Variants in COL23A1 observed in about 807,000 individuals in gnomAD.
The protein encoded by COL23A1 is collagen type XXIII alpha 1 chain.
In COL23A1, 97 loss-of-function variants were observed where a neutral mutation model predicts 99.3. That is an observed-to-expected ratio of 0.98 (90% CI 0.83 to 1.16). The LOEUF is 1.16. Ranked by LOEUF, COL23A1 falls within the 50% of genes most tolerant of loss-of-function variation. The pLI is 0.00. For synonymous variants in COL23A1, 320 were observed against 308.2 expected, an observed-to-expected ratio of 1.04 and a Z score of -0.40; for missense variants, 762 against 757.4, an observed-to-expected ratio of 1.01 and a Z score of -0.07.
chr5:178,290,300 A>G, intron 4 of COL23A1, 62 bp downstream of exon 4: 1 of 1,612,140 alleles, frequency 6.2e-7, no homozygotes, highest in Non-Finnish European at 8.5e-7. Context: ...ATGGAATTGC[A>G]ACAGAGAGAG....
rs952338229 is a variant in COL23A1, at chr5:178,262,109, T to C, written c.675+108A>G. 60 of 1,228,650 alleles carry C rather than the reference T, an allele frequency of 4.9e-5. No individual in the cohort carries two copies. In the African/African-American group the frequency reaches 7.8e-4, roughly 16 times the overall value. The allele number at this position is 1,228,650 out of a possible 1,614,324, so 76.1% of individuals were successfully genotyped here. A position where few individuals can be genotyped will look rare whatever the true frequency, so the allele number is the denominator to read the frequency against. On this transcript the variant is annotated intron_variant, in intron 10 of 28. Coordinates refer to ENST00000390654, the MANE Select transcript of COL23A1 (RefSeq NM_173465.4). ...ACATGCAGAGGCGCGCGCACACACA[T>C]AAACATGTGCGCGTGACCCTGCTGT... is the stretch of plus-strand genomic sequence containing the variant.
chr5:178,261,964 G>T (rs147700680), intron 10 of COL23A1, among the ~76,000 whole-genome samples: 182 of 152,340 alleles, frequency 1.2e-3, no homozygotes, highest in Middle Eastern at 6.8e-3. Flanking sequence ...CAAGTGGACC[G>T]CAGCCTCCGC....
At chr5:178,244,957 AT>A (rs1342853838) in intron 25 of COL23A1, among the ~76,000 whole-genome samples, 1 of 105,158 alleles carries the variant, frequency 9.5e-6, no homozygotes, top group African/African-American at 3.0e-5. Context: ...CTCCACTGCC[AT>A]CATCATCCAT....
intron 2 of COL23A1, among the ~76,000 whole-genome samples, chr5:178,407,093 T>A (rs966236502): frequency 6.6e-6 from 1 of 152,116 alleles, no homozygotes; most frequent in African/African-American, 2.4e-5. Context: ...GCTAAATAAG[T>A]TGGTAACTCA....
chr5:178,562,842 TCC>T (rs1562093881), intron 1 of COL23A1: 1 of 151,820 alleles, frequency 6.6e-6, no homozygotes, highest in Admixed American at 6.6e-5. Context: ...TGCTGATTGG[TCC>T]ATTTTACAAA....
At chr5:178,561,689 A>G (rs1212099685) in intron 1 of COL23A1, among the ~76,000 whole-genome samples, 1 of 152,196 alleles carries the variant, frequency 6.6e-6, no homozygotes, top group Non-Finnish European at 1.5e-5. Flanking sequence ...GGAAAAAAAA[A>G]TCCCCCTAAA....
chr5:178,307,054 C>CTT lies in COL23A1; in HGVS notation c.362-136_362-135insAA. On this transcript the variant is annotated intron_variant, in intron 2 of 28. Transcript: ENST00000390654. The surrounding 1 kb of genome is among the most constrained non-coding windows in gnomAD (Gnocchi z 4.2). ...TGGCCTGCCCGAGGGGGTCTGCTGG[C>CTT]TGTGGAGGGGGAGATGCGTGGGGAG... 1.8e-6 allele frequency: 1 copy of CTT among 563,160 alleles called. No individual in the cohort carries two copies. Among genetic ancestry groups the CTT allele is most frequent in the Non-Finnish European group, 3.0e-6 (1 of 330,422 alleles). The allele number at this position is 563,160 out of a possible 1,614,324, so 34.9% of individuals were successfully genotyped here. A position where few individuals can be genotyped will look rare whatever the true frequency, so the allele number is the denominator to read the frequency against.
At chr5:178,317,459 C>T (rs1314830498) in intron 2 of COL23A1, among the ~76,000 whole-genome samples, 1 of 152,220 alleles carries the variant, frequency 6.6e-6, no homozygotes, top group Non-Finnish European at 1.5e-5. Flanking sequence ...CTGCCTGGCA[C>T]CAAAACATGC....
intron 2 of COL23A1, among the ~76,000 whole-genome samples, chr5:178,380,860 C>T (rs10040734): frequency 0.019 from 2,919 of 152,178 alleles, 100 homozygotes; most frequent in African/African-American, 0.066. Context: ...TCCAGGGCAG[C>T]GGGTGTGGGG....
intron 2 of COL23A1, among the ~76,000 whole-genome samples, chr5:178,419,746 C>T (rs773308070): frequency 3.3e-5 from 5 of 152,222 alleles, no homozygotes; most frequent in African/African-American, 4.8e-5. Flanking sequence ...GCAGGCAAAA[C>T]TGAAAACCTA....
At chr5:178,257,866 T>C (rs1011546351) in intron 12 of COL23A1, among the ~76,000 whole-genome samples, 1 of 152,212 alleles carries the variant, frequency 6.6e-6, no homozygotes, top group African/African-American at 2.4e-5. Flanking sequence ...CTGAGGTCCC[T>C]GCTCAGGTGG....
intron 2 of COL23A1, among the ~76,000 whole-genome samples, chr5:178,337,894 T>C (rs1197744722): frequency 6.6e-6 from 1 of 152,254 alleles, no homozygotes; most frequent in Non-Finnish European, 1.5e-5. Flanking sequence ...TTATATATTT[T>C]TTCATTATTA....
intron 2 of COL23A1, chr5:178,344,717 G>T: frequency 3.0e-6 from 1 of 337,192 alleles, no homozygotes; most frequent in Admixed American, 4.4e-5. Context: ...ATCTACAGTT[G>T]GTTGAAACCA....
intron 2 of COL23A1, among the ~76,000 whole-genome samples, chr5:178,324,198 C>A (rs192166684): frequency 2.6e-5 from 4 of 152,030 alleles, no homozygotes; most frequent in Non-Finnish European, 5.9e-5. Flanking sequence ...TTGGCCCCAC[C>A]CCCGTTTCAG....
intron 2 of COL23A1, among the ~76,000 whole-genome samples, chr5:178,323,575 C>A (rs1204017824): frequency 6.6e-6 from 1 of 152,100 alleles, no homozygotes; most frequent in African/African-American, 2.4e-5. Context: ...TGCTGGGAAG[C>A]TGGGAGCCCC....
intron 1 of COL23A1, among the ~76,000 whole-genome samples, chr5:178,587,146 T>C (rs1046893075): frequency 6.6e-6 from 1 of 152,254 alleles, no homozygotes; most frequent in East Asian, 1.9e-4. Flanking sequence ...GATGGGGGGA[T>C]TGATTACTTA....
intron 2 of COL23A1, among the ~76,000 whole-genome samples, chr5:178,522,282 C>T (rs1282789017): frequency 2.0e-5 from 3 of 152,118 alleles, no homozygotes; most frequent in Non-Finnish European, 4.4e-5. Context: ...AAGAGAAAAA[C>T]TAACCAGGCG....
chr5:178,386,574 G>A (rs1022653969), intron 2 of COL23A1, among the ~76,000 whole-genome samples: 39 of 152,126 alleles, frequency 2.6e-4, no homozygotes, highest in African/African-American at 8.2e-4. Flanking sequence ...ATGAGTCTGT[G>A]TGTCACCAGA....
intron 2 of COL23A1, among the ~76,000 whole-genome samples, chr5:178,385,990 A>G (rs149160514): frequency 6.6e-6 from 1 of 152,324 alleles, no homozygotes; most frequent in African/African-American, 2.4e-5. Flanking sequence ...CTAGTACCAA[A>G]GCAGAAGAAG....
Sources: allele counts gnomAD v4.1 joint callset (sites outside exome capture counted in the v4.1 genomes callset), GRCh38; gene constraint gnomAD v4.1.1; non-coding constraint Gnocchi (gnomAD v3.1); transcripts MANE v1.5; gene names NCBI Gene and HGNC (gene_info 2026-07-23, HGNC 2026-07-21).